Variants in GRM7 observed in about 807,000 individuals in gnomAD.
GRM7 encodes the protein metabotropic glutamate receptor 7.
GRM7 carries 35 observed loss-of-function variants against 84.5 expected under a neutral mutation model. The observed-to-expected ratio is 0.41, with a 90% CI of 0.32 to 0.55. The LOEUF (loss-of-function observed/expected upper bound fraction) is 0.55, where lower values mean the gene tolerates loss of function less well. GRM7 is among the 20% of genes least tolerant of loss of function. The pLI, the probability that GRM7 is intolerant of heterozygous loss-of-function variation, is 0.19. For synonymous variants in GRM7, 487 were observed against 455.1 expected (o/e 1.07, Z -0.89); for missense variants, 1,003 against 1,194.6 (o/e 0.84, Z 2.36).
At chr3:7,148,698 G>A (rs560255192) in intron 2 of GRM7, among the ~76,000 whole-genome samples, 5 of 152,176 alleles carry the variant, frequency 3.3e-5, no homozygotes, top group African/African-American at 9.6e-5. Flanking sequence ...CTTCAAAAAG[G>A]AGATGCTCTT....
chr3:7,187,568 T>G (rs563390724), intron 2 of GRM7, among the ~76,000 whole-genome samples: 1 of 152,350 alleles, frequency 6.6e-6, no homozygotes, highest in Admixed American at 6.5e-5. Context: ...GTTACAGGTC[T>G]GATGGCGTTG....
In GRM7 at chr3:7,512,153, AAAAAGAAAAG is replaced by A. The variant is rs750705346; in HGVS notation, c.1515+50445_1515+50454del. ...GACAGAGACCCTGTCTCTGGAAATA[AAAAAGAAAAG>A]AAAAGAAAAGAAATGACAATTCAGT... On this transcript the variant is annotated intron_variant, in intron 7 of 9. Coordinates refer to ENST00000357716, the MANE Select transcript of GRM7 (RefSeq NM_000844.4). 1.4e-4 allele frequency among the ~76,000 whole-genome samples: 22 copies of A among 152,126 alleles called. No homozygotes were observed. In the South Asian group the frequency reaches 3.3e-3, roughly 23 times the overall value.
chr3:7,479,951 C>G (rs1158339110), intron 7 of GRM7, among the ~76,000 whole-genome samples: 1 of 152,156 alleles, frequency 6.6e-6, no homozygotes, highest in Non-Finnish European at 1.5e-5. Flanking sequence ...TTATATGACC[C>G]CAGGAACAAC....
chr3:7,389,854 A>G (rs917530598), intron 4 of GRM7, among the ~76,000 whole-genome samples: 1 of 151,876 alleles, frequency 6.6e-6, no homozygotes, highest in African/African-American at 2.4e-5. Flanking sequence ...TTCAAAGTTA[A>G]TATTGATATG....
At chr3:7,000,286 C>T (rs1452862346) in intron 1 of GRM7, among the ~76,000 whole-genome samples, 1 of 151,416 alleles carries the variant, frequency 6.6e-6, no homozygotes, top group African/African-American at 2.4e-5. Context: ...ATTCTCTTTC[C>T]TCAGCCTCCT....
At chr3:7,531,283 T>C (rs545844916) in intron 7 of GRM7, among the ~76,000 whole-genome samples, 5 of 152,238 alleles carry the variant, frequency 3.3e-5, no homozygotes, top group African/African-American at 7.2e-5. Flanking sequence ...GAGGCCTTTT[T>C]TTCTGTTCCA....
chr3:7,106,029 A>C (rs1476813134), intron 1 of GRM7, among the ~76,000 whole-genome samples: 3 of 151,916 alleles, frequency 2.0e-5, no homozygotes, highest in Admixed American at 6.6e-5. Context: ...ACTTCTCAAA[A>C]ACTGTTGGGG....
chr3:6,983,038 G>A (rs535971185), intron 1 of GRM7, among the ~76,000 whole-genome samples: 88 of 152,272 alleles, frequency 5.8e-4, no homozygotes, highest in African/African-American at 2.1e-3. Flanking sequence ...AAAAAAATAT[G>A]CAGTAGGCGA....
intron 7 of GRM7, among the ~76,000 whole-genome samples, chr3:7,541,519 T>G (rs193004675): frequency 6.6e-6 from 1 of 152,306 alleles, no homozygotes; most frequent in East Asian, 1.9e-4. Context: ...AGAGAAAATC[T>G]AAGCTTCAGT....
At chr3:7,218,636 T>C (rs1375627488) in intron 2 of GRM7, among the ~76,000 whole-genome samples, 1 of 152,070 alleles carries the variant, frequency 6.6e-6, no homozygotes, top group Non-Finnish European at 1.5e-5. Flanking sequence ...ATCATTTTAA[T>C]GCATTTTTCT....
At chr3:7,316,082 T>C (rs1287339735) in intron 4 of GRM7, among the ~76,000 whole-genome samples, 1 of 151,890 alleles carries the variant, frequency 6.6e-6, no homozygotes, top group Non-Finnish European at 1.5e-5. Context: ...AGGGAAAGAG[T>C]GTACTGGGCA....
intron 4 of GRM7, among the ~76,000 whole-genome samples, chr3:7,334,575 A>G (rs925009643): frequency 2.0e-5 from 3 of 152,194 alleles, no homozygotes; most frequent in Non-Finnish European, 4.4e-5. Flanking sequence ...TCTCAATACT[A>G]ACATTGAATG....
chr3:7,414,739 G>T (rs1176816788), intron 4 of GRM7, among the ~76,000 whole-genome samples: 1 of 152,044 alleles, frequency 6.6e-6, no homozygotes, highest in East Asian at 1.9e-4. Flanking sequence ...GTGGCATAAT[G>T]GTTGACCTTA....
At chr3:7,197,389 A>G (rs577187717) in intron 2 of GRM7, among the ~76,000 whole-genome samples, 1 of 152,328 alleles carries the variant, frequency 6.6e-6, no homozygotes, top group South Asian at 2.1e-4. Context: ...TGTTCAAAAT[A>G]ATTCCAATTC....
intron 1 of GRM7, among the ~76,000 whole-genome samples, chr3:6,977,534 TGC>T (rs1488391035): frequency 6.6e-6 from 1 of 152,174 alleles, no homozygotes; most frequent in Non-Finnish European, 1.5e-5. Context: ...GATTCAGCAA[TGC>T]CAACCCCCCA....
chr3:7,427,076 T>C (rs1384095561), intron 5 of GRM7, among the ~76,000 whole-genome samples: 2 of 152,188 alleles, frequency 1.3e-5, no homozygotes, highest in Non-Finnish European at 2.9e-5. Context: ...TTGGGCTGCA[T>C]GTGATAAATG....
chr3:7,407,264 C>A (rs928679305), intron 4 of GRM7, among the ~76,000 whole-genome samples: 1 of 152,148 alleles, frequency 6.6e-6, no homozygotes. Context: ...AGCCTGTGGC[C>A]TCCAGGTAGA....
At chr3:7,595,842 G>T (rs1012039847) in intron 8 of GRM7, among the ~76,000 whole-genome samples, 1 of 151,992 alleles carries the variant, frequency 6.6e-6, no homozygotes, top group Admixed American at 6.6e-5. Context: ...TCCAGGAGGG[G>T]GCAGGATCCT....
chr3:7,555,539 C>A (rs1321244252), intron 7 of GRM7, among the ~76,000 whole-genome samples: 2 of 152,192 alleles, frequency 1.3e-5, no homozygotes. Context: ...CAACTACAAG[C>A]TATTCTTCAA....
Sources: gnomAD v4.1 joint callset for allele counts (sites outside exome capture counted in the v4.1 genomes callset) on GRCh38, gnomAD v4.1.1 for gene constraint, MANE v1.5 for transcripts, NCBI Gene and HGNC (gene_info 2026-07-23, HGNC 2026-07-21) for gene names.